Variants in NBEA observed in about 807,000 individuals in gnomAD.
NBEA encodes the protein lysosomal-trafficking regulator 2.
A neutral mutation model predicts 343.4 loss-of-function variants in NBEA; 44 were observed. The observed-to-expected ratio is 0.13, with a 90% CI of 0.10 to 0.16. The LOEUF (loss-of-function observed/expected upper bound fraction) is 0.16, where lower values mean the gene tolerates loss of function less well. NBEA is among the 10% of genes least tolerant of loss of function. The pLI is 1.00. For synonymous variants in NBEA, 1,175 were observed against 1,238.7 expected (o/e 0.95, Z 1.08); for missense variants, 2,555 against 3,631.3 (o/e 0.70, Z 7.62).
intron 38 of NBEA, among the ~76,000 whole-genome samples, chr13:35,410,985 TC>T (rs1469683939): frequency 1.3e-5 from 2 of 152,158 alleles, no homozygotes; most frequent in South Asian, 4.1e-4. Context: ...TCTTTGGTTC[TC>T]CAGAAAGTCA....
chr13:35,425,615 T>C (rs998805332), intron 38 of NBEA, among the ~76,000 whole-genome samples: 1 of 152,200 alleles, frequency 6.6e-6, no homozygotes, highest in Non-Finnish European at 1.5e-5. Context: ...GAAAAGAATG[T>C]ATATTCCGTT....
At chr13:35,331,785 T>C (rs568914683) in intron 36 of NBEA, among the ~76,000 whole-genome samples, 15 of 152,120 alleles carry the variant, frequency 9.9e-5, no homozygotes, top group South Asian at 6.2e-4. Context: ...CAGAAAAGAA[T>C]AGGACTGGAT....
At position 35,514,945 on chromosome 13, in the gene NBEA, G is replaced by A. The variant is rs551923181; in HGVS notation, c.6586-35532G>A. On this transcript the variant is annotated intron_variant, in intron 41 of 58. Transcript: ENST00000379939. ...AATTGCTTGTTGTGCTTTTGGCAAT[G>A]ACAGATAAGTCCGTGTAATTCCCCA... is the stretch of plus-strand genomic sequence containing the variant. Among the ~76,000 whole-genome samples, 7 of 152,304 alleles carry A rather than the reference G, an allele frequency of 4.6e-5. No individual in the cohort carries two copies. In the South Asian group the frequency reaches 1.4e-3, roughly 32 times the overall value.
chr13:35,472,333 C>T (rs1022056948), intron 40 of NBEA, 67 bp from the exon 41 acceptor site: 2 of 1,543,896 alleles, frequency 1.3e-6, no homozygotes, highest in African/African-American at 1.4e-5. Context: ...ACCTCTGGTA[C>T]CTTTCTGGGA....
At chr13:35,546,906 G>T (rs1394605970) in intron 41 of NBEA, among the ~76,000 whole-genome samples, 1 of 152,016 alleles carries the variant, frequency 6.6e-6, no homozygotes, top group Non-Finnish European at 1.5e-5. Context: ...TTTAAATAAA[G>T]AAATTGTAGG....
At chr13:35,094,879 TAATC>T (rs988982544) in intron 10 of NBEA, among the ~76,000 whole-genome samples, 15 of 151,988 alleles carry the variant, frequency 9.9e-5, no homozygotes, top group African/African-American at 3.4e-4. Flanking sequence ...TTAATCTACT[TAATC>T]AATTACTTTG....
chr13:35,251,180 G>A, intron 34 of NBEA: 1 of 254,016 alleles, frequency 3.9e-6, no homozygotes, highest in Non-Finnish European at 7.9e-6. Context: ...GGACATTGTG[G>A]TAGGGGAGGG....
chr13:35,561,401 A>G (rs1195737485), intron 44 of NBEA, among the ~76,000 whole-genome samples: 3 of 152,160 alleles, frequency 2.0e-5, no homozygotes, highest in African/African-American at 4.8e-5. Context: ...CTGGCTTCAC[A>G]TGTTTAAAAA....
At chr13:34,987,808 A>G (rs2060608402) in intron 1 of NBEA, among the ~76,000 whole-genome samples, 1 of 151,084 alleles carries the variant, frequency 6.6e-6, no homozygotes, top group African/African-American at 2.4e-5. Context: ...TTGTGCATGC[A>G]TCACATAGTT....
At chr13:35,486,015 G>A (rs1418522718) in intron 41 of NBEA, among the ~76,000 whole-genome samples, 1 of 151,966 alleles carries the variant, frequency 6.6e-6, no homozygotes, top group Non-Finnish European at 1.5e-5. Context: ...TCTCCAGATT[G>A]TTTAGTCTAA....
intron 38 of NBEA, among the ~76,000 whole-genome samples, chr13:35,409,430 A>G (rs572619455): frequency 6.6e-6 from 1 of 152,156 alleles, no homozygotes; most frequent in South Asian, 2.1e-4. Flanking sequence ...AATCTGTACA[A>G]CAAACCCCCA....
rs140047281 is a variant in NBEA at position 35,300,180 on chromosome 13, C to T, written c.5839-9348C>T. Among the ~76,000 whole-genome samples, 96 of 152,044 alleles carry T rather than the reference C, an allele frequency of 6.3e-4. 1 individual carries two copies. In the East Asian group the frequency reaches 7.5e-3, roughly 12 times the overall value. On this transcript the variant is annotated intron_variant, in intron 35 of 58. Transcript: ENST00000379939. ...TTAAGAAGTACTTTTTGAAATTAGC[C>T]GGGCATAGTGGTGCACGCCTGTAGT...
intron 48 of NBEA, among the ~76,000 whole-genome samples, chr13:35,615,330 G>T: frequency 6.7e-6 from 1 of 149,646 alleles, no homozygotes. Context: ...TTATTGACCT[G>T]AAACCCATTG....
intron 45 of NBEA, among the ~76,000 whole-genome samples, chr13:35,580,171 A>C (rs1337228702): frequency 2.6e-5 from 4 of 151,922 alleles, no homozygotes; most frequent in Admixed American, 1.3e-4. Context: ...CTATTTGTTA[A>C]AGTGTTCACC....
At position 35,583,827 on chromosome 13, in the gene NBEA, A is replaced by T. The variant is rs1326581696; in HGVS notation, c.7036-71A>T. ...AATGAATTAACAGTGAAATACTGAA[A>T]GTATAAAGATTTATTATCTAGGATA... On this transcript the variant is annotated intron_variant, in intron 45 of 58. Coordinates refer to ENST00000379939, the MANE Select transcript of NBEA (RefSeq NM_001385012.1). 3 of 1,111,440 alleles carry T rather than the reference A, an allele frequency of 2.7e-6. No individual in the cohort carries two copies. The East Asian group carries it at 7.8e-5, about 29-fold the overall frequency. 68.8% of individuals were successfully genotyped at this position (1,111,440 alleles called of 1,614,324 possible). A position where few individuals can be genotyped will look rare whatever the true frequency, so the allele number is the denominator to read the frequency against.
At chr13:35,548,814 T>G (rs1348070152) in intron 41 of NBEA, among the ~76,000 whole-genome samples, 1 of 152,170 alleles carries the variant, frequency 6.6e-6, no homozygotes, top group Non-Finnish European at 1.5e-5. Context: ...TAAATATAAA[T>G]TGTGGCAAGT....
intron 53 of NBEA, among the ~76,000 whole-genome samples, chr13:35,653,611 G>A (rs936283905): frequency 5.9e-5 from 9 of 152,138 alleles, no homozygotes; most frequent in African/African-American, 1.9e-4. Flanking sequence ...GATTACAGAC[G>A]TGAGCCACCA....
intron 1 of NBEA, among the ~76,000 whole-genome samples, chr13:34,989,634 G>T (rs529802262): frequency 2.0e-5 from 3 of 150,812 alleles, no homozygotes; most frequent in Admixed American, 1.3e-4. Flanking sequence ...TTTGGGTGGG[G>T]ACACAGAGCC....
intron 1 of NBEA, among the ~76,000 whole-genome samples, chr13:34,971,491 G>T (rs900862577): frequency 1.3e-5 from 2 of 152,128 alleles, no homozygotes; most frequent in Non-Finnish European, 2.9e-5. Flanking sequence ...CTGTGGGTTT[G>T]TCATAGATGG....
Sources: allele counts gnomAD v4.1 joint callset (sites outside exome capture counted in the v4.1 genomes callset), GRCh38; gene constraint gnomAD v4.1.1; transcripts MANE v1.5; gene names NCBI Gene and HGNC (gene_info 2026-07-23, HGNC 2026-07-21).